PLEKHM3: variants seen among roughly 807,000 people sequenced by gnomAD.
PLEKHM3 encodes the protein pleckstrin homology domain-containing family M member 3.
In PLEKHM3, 45 loss-of-function variants were observed where a neutral mutation model predicts 81.8. The ratio of observed to expected loss-of-function variants is 0.55; its 90% CI spans 0.43 to 0.71. PLEKHM3 has a LOEUF of 0.71. Among genes scored for constraint, PLEKHM3 ranks in the 30% least tolerant of loss-of-function variants. The pLI is 0.00. For synonymous variants in PLEKHM3, 352 were observed against 356.4 expected (o/e 0.99, Z 0.14); for missense variants, 788 against 924.3 (o/e 0.85, Z 1.91).
chr2:207,830,531 T>C (rs1399755671), intron 7 of PLEKHM3, among the ~76,000 whole-genome samples: 2 of 150,174 alleles, frequency 1.3e-5, no homozygotes, highest in African/African-American at 4.9e-5. Context: ...GAGAATTGCT[T>C]GAACCCGGGA....
At chr2:207,973,094 A>C (rs1033817349) in intron 3 of PLEKHM3, among the ~76,000 whole-genome samples, 11 of 152,274 alleles carry the variant, frequency 7.2e-5, no homozygotes, top group African/African-American at 2.2e-4. Flanking sequence ...CCTTAAAATA[A>C]TACGTAAAGC....
chr2:207,934,468 T>G (rs1232262429), intron 4 of PLEKHM3, among the ~76,000 whole-genome samples: 3 of 152,220 alleles, frequency 2.0e-5, no homozygotes. Context: ...ATTCCTTCTA[T>G]TCATATGAAC....
rs1399811382 is a variant in PLEKHM3 at position 207,827,853 on chromosome 2, A to G, written c.*466T>C. 6.6e-6 allele frequency: 1 copy of G among 152,246 alleles called. No individual in the cohort carries two copies. The highest frequency in any genetic ancestry group is 1.5e-5 in the Non-Finnish European group (1 of 68,058). 9.4% of individuals were successfully genotyped at this position (152,246 alleles called of 1,614,324 possible). A position where few individuals can be genotyped will look rare whatever the true frequency, so the allele number is the denominator to read the frequency against. On this transcript the variant is annotated 3_prime_UTR_variant, in exon 8 of 8. Coordinates refer to ENST00000427836, the MANE Select transcript of PLEKHM3 (RefSeq NM_001080475.3). ...TGAAGGTTTTCTTATGAAACAGATG[A>G]TGATGGGTGCCTGCCTCAGTTACCT...
intron 6 of PLEKHM3, chr2:207,901,198 G>A: frequency 2.9e-6 from 2 of 699,430 alleles, no homozygotes; most frequent in South Asian, 1.5e-5. Context: ...TCCACAAAAG[G>A]CAGTGACTTT....
At chr2:207,898,522 G>C (rs552286222) in intron 6 of PLEKHM3, among the ~76,000 whole-genome samples, 1 of 152,226 alleles carries the variant, frequency 6.6e-6, no homozygotes, top group Non-Finnish European at 1.5e-5. Flanking sequence ...GGAAGGCTGA[G>C]GCGGGCAAAT....
chr2:207,952,528 T>TA (rs1285789298), intron 3 of PLEKHM3, among the ~76,000 whole-genome samples: 1 of 152,224 alleles, frequency 6.6e-6, no homozygotes, highest in Non-Finnish European at 1.5e-5. Flanking sequence ...ATTGGCTCAT[T>TA]AAGTAGTGAA....
At chr2:208,016,695 A>ACACACACACACACC (rs1559285588) in intron 1 of PLEKHM3, among the ~76,000 whole-genome samples, 1 of 147,810 alleles carries the variant, frequency 6.8e-6, no homozygotes, top group Non-Finnish European at 1.5e-5. Flanking sequence ...ACACACACAC[A>ACACACACACACACC]CCCTGGTTTC....
intron 6 of PLEKHM3, chr2:207,901,452 C>T: frequency 1.5e-6 from 1 of 656,522 alleles, no homozygotes. Context: ...GTAAGGACAT[C>T]AAGACTGAAA....
At position 207,868,286 on chromosome 2, in the gene PLEKHM3, T is replaced by A. The variant is rs549454981; in HGVS notation, c.1951-7024A>T. ...AAAGCTTATTATTATTTTTTTTTTT[T>A]AAATCTAAACATGGTAGAGTTTTTG... On this transcript the variant is annotated intron_variant, in intron 6 of 7. Transcript: ENST00000427836. Among the ~76,000 whole-genome samples, 34 of 151,958 alleles carry A rather than the reference T, an allele frequency of 2.2e-4. No homozygotes were observed. In the East Asian group the frequency reaches 3.7e-3, roughly 16 times the overall value.
rs1320421080 is a variant in PLEKHM3 at position 207,977,523 on chromosome 2, T to C, written c.674A>G (p.Asp225Gly). The change falls in exon 3 of 8, where the codon GAC (aspartate) becomes GGC (glycine). Residue 225 changes from aspartate (D) to glycine (G), a missense_variant. Transcript: ENST00000427836. The part of the protein sequence containing the change: ...KGYLEIRKDH[D>G]SYWQSCYAEL... Reference sequence around the variant, plus strand: ...TGCATAACAGCTTTGCCAGTAACTGTCATGGTCCTTTCTAATCTCCAGGTA... The same window carrying C: ...TGCATAACAGCTTTGCCAGTAACTGCCATGGTCCTTTCTAATCTCCAGGTA... 1 of 1,614,116 alleles carries C rather than the reference T, an allele frequency of 6.2e-7. No individual in the cohort carries two copies. Among genetic ancestry groups the C allele is most frequent in the Non-Finnish European group, 8.5e-7 (1 of 1,179,992 alleles).
chr2:207,978,916 T>A (rs189476025), intron 2 of PLEKHM3, among the ~76,000 whole-genome samples: 1 of 152,354 alleles, frequency 6.6e-6, no homozygotes, highest in East Asian at 1.9e-4. Context: ...AAATTTTTTT[T>A]AAGGCTGTCT....
chr2:207,907,736 G>A (rs886502172), intron 6 of PLEKHM3, among the ~76,000 whole-genome samples: 10 of 152,134 alleles, frequency 6.6e-5, no homozygotes, highest in African/African-American at 2.2e-4. Flanking sequence ...CAATTTAGTG[G>A]TTTTCAGAAT....
chr2:207,917,536 T>C (rs141116455), intron 5 of PLEKHM3, among the ~76,000 whole-genome samples: 65 of 146,970 alleles, frequency 4.4e-4, no homozygotes, highest in Middle Eastern at 3.5e-3. Flanking sequence ...CTGTGTAGAT[T>C]GTGCTTTAAG....
chr2:207,858,367 T>C (rs2092448368), intron 7 of PLEKHM3, among the ~76,000 whole-genome samples: 1 of 152,112 alleles, frequency 6.6e-6, no homozygotes, highest in South Asian at 2.1e-4. Flanking sequence ...TGTGAATCTT[T>C]AATTCCATGT....
chr2:207,939,186 T>C (rs1419439442), intron 4 of PLEKHM3, among the ~76,000 whole-genome samples: 1 of 152,246 alleles, frequency 6.6e-6, no homozygotes, highest in East Asian at 1.9e-4. Context: ...ACTATCATTC[T>C]TTCCCTCTAA....
At position 207,881,011 on chromosome 2, in the gene PLEKHM3, TTCTGAATATAGAAACAC is replaced by T. The variant is rs938471255; in HGVS notation, c.1951-19766_1951-19750del. 7.6e-4 allele frequency among the ~76,000 whole-genome samples: 116 copies of T among 151,758 alleles called. 1 individual carries two copies. The highest frequency in any genetic ancestry group is 2.5e-3 in the African/African-American group (102 of 41,480). On this transcript the variant is annotated intron_variant, in intron 6 of 7. Coordinates refer to ENST00000427836, the MANE Select transcript of PLEKHM3 (RefSeq NM_001080475.3). ...TTTGAAAAGGTTCAGAATATAGTAG[TTCTGAATATAGAAACAC>T]TCTGAATATAGTAGATCCTCTTCTG... is the stretch of plus-strand genomic sequence containing the variant.
chr2:207,943,117 G>A (rs139883632), intron 4 of PLEKHM3, among the ~76,000 whole-genome samples: 11 of 152,046 alleles, frequency 7.2e-5, no homozygotes, highest in African/African-American at 2.7e-4. Flanking sequence ...GTATTTGATA[G>A]CATAGTAGGG....
chr2:207,875,442 C>T (rs949989894), intron 6 of PLEKHM3, among the ~76,000 whole-genome samples: 2 of 152,180 alleles, frequency 1.3e-5, no homozygotes, highest in African/African-American at 4.8e-5. Context: ...ACTCTCAAGA[C>T]AGTGAATGGA....
At chr2:207,891,647 A>T (rs879919908) in intron 6 of PLEKHM3, among the ~76,000 whole-genome samples, 1 of 152,248 alleles carries the variant, frequency 6.6e-6, no homozygotes, top group African/African-American at 2.4e-5. Context: ...CTAAAGAAAA[A>T]AACCAAAGAG....
Sources: gnomAD v4.1 joint callset for allele counts (sites outside exome capture counted in the v4.1 genomes callset) on GRCh38, gnomAD v4.1.1 for gene constraint, MANE v1.5 for transcripts, NCBI Gene and HGNC (gene_info 2026-07-23, HGNC 2026-07-21) for gene names.